The following SPEG variants were observed in gnomAD, a reference collection of about 807,000 sequenced individuals.
The protein encoded by SPEG is striated muscle preferentially expressed protein kinase.
Under a neutral mutation model 300.4 loss-of-function variants are expected in SPEG, and 114 were observed. The observed-to-expected ratio is 0.38, with a 90% confidence interval of 0.33 to 0.44. The LOEUF (loss-of-function observed/expected upper bound fraction) is 0.44, where lower values mean the gene tolerates loss of function less well. SPEG is among the 20% of genes least tolerant of loss of function. The pLI is 1.00. For synonymous variants in SPEG, 1,964 were observed against 2,018.9 expected, an observed-to-expected ratio of 0.97 and a Z score of 0.73; for missense variants, 4,201 against 4,586.2, an observed-to-expected ratio of 0.92 and a Z score of 2.43.
In SPEG at chr2:219,489,492, C is replaced by T. The variant is rs758387319; in HGVS notation, c.8474C>T (p.Pro2825Leu). Reference protein sequence around the residue: ...PSVTVSPSSPPTPPSQALSSL... With the variant: ...PSVTVSPSSPLTPPSQALSSL... ...GTCACTGTCAGCCCCTCATCTCCCC[C>T]CACACCTCCTAGCCAGGCCTTGTCC... Residue 2825 changes from proline (P) to leucine (L), a missense_variant, in exon 36 of 41, where the codon CCC (proline) becomes CTC (leucine). Transcript: ENST00000312358. 3 of 1,612,320 alleles carry T rather than the reference C, an allele frequency of 1.9e-6. No individual in the cohort carries two copies. Among genetic ancestry groups the T allele is most frequent in the Non-Finnish European group, 2.5e-6 (3 of 1,178,982 alleles).
chr2:219,460,454 A>C, intron 6 of SPEG: 1 of 985,454 alleles, frequency 1.0e-6, no homozygotes, highest in Non-Finnish European at 1.2e-6. Flanking sequence ...GTGTCAGAAC[A>C]AATGGGTCAG....
intron 1 of SPEG, chr2:219,442,030 G>T (rs1218127601): frequency 1.9e-6 from 2 of 1,064,652 alleles, no homozygotes; most frequent in East Asian, 4.1e-5. Flanking sequence ...CCCGGCCGCC[G>T]GCCCGGCCCC....
rs758525967 is a variant in SPEG at position 219,482,842 on chromosome 2, G to A, written c.5624G>A (p.Arg1875Gln). The change falls in exon 29 of 41, where the codon CGG becomes CAG. Residue 1875 changes from arginine (R) to glutamine (Q), a missense_variant. By Grantham distance (43) the Arg-to-Gln change is conservative. This residue lies in a region of SPEG where 1,578 missense variants were observed against 1,506.0 expected (regional missense o/e 1.05). Coordinates refer to ENST00000312358, the MANE Select transcript of SPEG (RefSeq NM_005876.5). ...CACCTGAAGCTATTCCTCTCCCGGC[G>A]GAGGTGGCAGGTAAGTGTGGCAGGC... ...TDHLKLFLSR[R>Q]RWQRSQISYK... The A allele has an allele frequency of 2.5e-6, 4 of 1,613,840 alleles. No homozygotes were observed. The highest frequency in any genetic ancestry group is 2.2e-5 in the East Asian group (1 of 44,876).
At chr2:219,460,972 TG>T (rs1690628997) in intron 6 of SPEG, 2 of 977,832 alleles carry the variant, frequency 2.0e-6, no homozygotes, top group South Asian at 9.6e-5. Context: ...AGGCACAGGC[TG>T]GGGTCTGTGT....
chr2:219,435,403 G>C, intron 1 of SPEG, 38 bp downstream of exon 1: 1 of 1,504,986 alleles, frequency 6.6e-7, no homozygotes, highest in South Asian at 1.2e-5. Flanking sequence ...GCAGGGGCGG[G>C]GTGCTCAGAG....
In SPEG at chr2:219,467,155, G is replaced by C; in HGVS notation, c.2882-19G>C. 6.4e-7 allele frequency: 1 copy of C among 1,558,006 alleles called. No homozygotes were observed. The highest frequency in any genetic ancestry group is 1.2e-5 in the South Asian group (1 of 84,104). The stretch of plus-strand genomic sequence containing the variant: ...TGTCTCTGCTCTGTGCGTGGCCCCC[G>C]TGGCTGCTTTCCCCTCAGCACACCC... On this transcript the variant is annotated intron_variant, in intron 9 of 40. Transcript: ENST00000312358.
At chr2:219,436,497 A>T (rs1954723455) in intron 1 of SPEG, among the ~76,000 whole-genome samples, 1 of 152,162 alleles carries the variant, frequency 6.6e-6, no homozygotes, top group Non-Finnish European at 1.5e-5. Flanking sequence ...TAAGAGGGAC[A>T]TGTCACTCCC....
chr2:219,444,581 G>C lies in SPEG; in HGVS notation c.389-72G>C. 2.3e-6 allele frequency: 3 copies of C among 1,306,220 alleles called. No homozygotes were observed. The highest frequency in any genetic ancestry group is 3.3e-6 in the Non-Finnish European group (3 of 907,200). The allele number at this position is 1,306,220 out of a possible 1,614,324, so 80.9% of individuals were successfully genotyped here. Reference sequence around the variant, plus strand: ...GATGGAGCCTGCTGTTGGCAGGGAGGCAGAAGGCAATAGGGAAGAGTTGGA... The same window carrying C: ...GATGGAGCCTGCTGTTGGCAGGGAGCCAGAAGGCAATAGGGAAGAGTTGGA... On this transcript the variant is annotated intron_variant, in intron 1 of 40. Transcript: ENST00000312358. The surrounding 1 kb of genome is among the most constrained non-coding windows in gnomAD (Gnocchi z 7.8).
At position 219,482,841 on chromosome 2, in the gene SPEG, C is replaced by T. The variant is rs765255020; in HGVS notation, c.5623C>T (p.Arg1875Trp). 3.7e-6 allele frequency: 6 copies of T among 1,613,666 alleles called. No individual in the cohort carries two copies. Among genetic ancestry groups the T allele is most frequent in the Non-Finnish European group, 5.1e-6 (6 of 1,179,878 alleles). Reference sequence around the variant, plus strand: ...TCACCTGAAGCTATTCCTCTCCCGGCGGAGGTGGCAGGTAAGTGTGGCAGG... The same window carrying T: ...TCACCTGAAGCTATTCCTCTCCCGGTGGAGGTGGCAGGTAAGTGTGGCAGG... ...TDHLKLFLSRRRWQRSQISYK... is the reference protein window; with the variant it reads ...TDHLKLFLSRWRWQRSQISYK... The change falls in exon 29 of 41, where the codon CGG becomes TGG. Residue 1875 changes from arginine to tryptophan, a missense_variant. Arg to Trp is a moderately radical substitution (Grantham distance 101). This residue lies in a region of SPEG where 1,578 missense variants were observed against 1,506.0 expected (regional missense o/e 1.05). Coordinates refer to ENST00000312358, the MANE Select transcript of SPEG (RefSeq NM_005876.5).
chr2:219,435,069 C>A lies in SPEG; in HGVS notation c.92C>A (p.Ala31Asp). 1.4e-6 allele frequency: 2 copies of A among 1,472,548 alleles called. No homozygotes were observed. Among genetic ancestry groups the A allele is most frequent in the East Asian group, 2.9e-5 (1 of 34,542 alleles). The allele number at this position is 1,472,548 out of a possible 1,614,324, so 91.2% of individuals were successfully genotyped here. A position where few individuals can be genotyped will look rare whatever the true frequency, so the allele number is the denominator to read the frequency against. The stretch of plus-strand genomic sequence containing the variant: ...CCCCCGAAAAGGGCCAAGGTGGGGG[C>A]CGGCGGCGGGGCTCCTGTGGCCGTG... Reference protein sequence around the residue: ...GVPPKRAKVGAGGGAPVAVAG... With the variant: ...GVPPKRAKVGDGGGAPVAVAG... Residue 31 changes from alanine to aspartate, a missense_variant, in exon 1 of 41, where the codon GCC becomes GAC. Ala to Asp is a moderately radical substitution (Grantham distance 126). Transcript: ENST00000312358.
chr2:219,441,315 G>T (rs1311059120), intron 1 of SPEG, among the ~76,000 whole-genome samples: 4 of 152,150 alleles, frequency 2.6e-5, no homozygotes, highest in African/African-American at 9.7e-5. Context: ...GTGAATGTAC[G>T]GGGGTAGGGG....
In SPEG at chr2:219,458,545, A is replaced by C. The variant is rs184029855; in HGVS notation, c.2441-3337A>C. On this transcript the variant is annotated intron_variant, in intron 6 of 40. Coordinates refer to ENST00000312358, the MANE Select transcript of SPEG (RefSeq NM_005876.5). This position sits in a 1 kb window ranked among gnomAD's most constrained non-coding sequence, Gnocchi z 4.2. ...CTCCAGGTGATTCCGATGCACAGAA[A>C]ACCTTGAGAACCACTGCCATAGAGT... Among the ~76,000 whole-genome samples, 1 of 152,290 alleles carries C rather than the reference A, an allele frequency of 6.6e-6. No individual in the cohort carries two copies. The highest frequency in any genetic ancestry group is 1.9e-4 in the East Asian group (1 of 5,172).
Position 219,435,318 on chromosome 2 carries a change from G to A in SPEG, c.341G>A (p.Arg114Gln), listed in dbSNP as rs751671030. The change falls in exon 1 of 41, where the codon CGG becomes CAG. Residue 114 changes from arginine to glutamine, a missense_variant. By Grantham distance (43) the Arg-to-Gln change is conservative. Around this residue, in one of 4 missense-constraint regions of SPEG, gnomAD observed 1,258 missense variants for 1,293.9 expected, o/e 0.97. Coordinates refer to ENST00000312358, the MANE Select transcript of SPEG (RefSeq NM_005876.5). Reference protein sequence around the residue: ...GVYSCMAQNERGRASCEAVLT... With the variant: ...GVYSCMAQNEQGRASCEAVLT... Reference sequence around the variant, plus strand: ...TACAGCTGCATGGCCCAGAACGAGCGGGGCCGGGCCTCCTGCGAGGCGGTG... The same window carrying A: ...TACAGCTGCATGGCCCAGAACGAGCAGGGCCGGGCCTCCTGCGAGGCGGTG... 2.0e-6 allele frequency: 3 copies of A among 1,536,062 alleles called. No individual in the cohort carries two copies. Among genetic ancestry groups the A allele is most frequent in the Non-Finnish European group, 2.6e-6 (3 of 1,148,522 alleles).
At chr2:219,460,768 A>G (rs1575093719) in intron 6 of SPEG, 1 of 984,778 alleles carries the variant, frequency 1.0e-6, no homozygotes, top group Non-Finnish European at 1.2e-6. Context: ...CTGCCATCCA[A>G]CCTCCTCCTT....
chr2:219,437,208 G>C (rs1954742222), intron 1 of SPEG: 1 of 152,324 alleles, frequency 6.6e-6, no homozygotes, highest in Non-Finnish European at 1.5e-5. Context: ...GGAGAGAGAG[G>C]AAAGAGCGAG....
rs1402645077 is a variant in SPEG, at chr2:219,449,986, G to A, written c.2113+715G>A. ...CACATCAACTCGAGGCCCACTCCTG[G>A]AGAGAGGCAGAGGAAGGCGTCCTTG... On this transcript the variant is annotated intron_variant, in intron 4 of 40. Coordinates refer to ENST00000312358, the MANE Select transcript of SPEG (RefSeq NM_005876.5). Among the ~76,000 whole-genome samples the A allele has an allele frequency of 3.9e-5, 6 of 152,144 alleles. No individual in the cohort carries two copies. In the South Asian group the frequency reaches 1.2e-3, roughly 31 times the overall value.
In SPEG at chr2:219,479,270, C is replaced by T; in HGVS notation, c.5085+69C>T. 1 of 1,362,674 alleles carries T rather than the reference C, an allele frequency of 7.3e-7. No homozygotes were observed. Among genetic ancestry groups the T allele is most frequent in the East Asian group, 2.3e-5 (1 of 43,132 alleles). The allele number at this position is 1,362,674 out of a possible 1,614,324, so 84.4% of individuals were successfully genotyped here. ...CACCCACCTGAGCTTTGAGAACCAA[C>T]AAATGGGTCCTGAGTGTGCCATCTG... is the stretch of plus-strand genomic sequence containing the variant. On this transcript the variant is annotated intron_variant, in intron 23 of 40. Transcript: ENST00000312358. This position sits in a 1 kb window ranked among gnomAD's most constrained non-coding sequence, Gnocchi z 5.5.
chr2:219,481,922 C>T lies in SPEG; in HGVS notation c.5565+242C>T, dbSNP rs1369871729. ...TATACATACTGGACTCCAGGGCATACGTCTGGACCTCTCCATCCTGGGCGT... is the reference window on the plus strand; with the variant it reads ...TATACATACTGGACTCCAGGGCATATGTCTGGACCTCTCCATCCTGGGCGT... On this transcript the variant is annotated intron_variant, in intron 28 of 40. Transcript: ENST00000312358. This position sits in a 1 kb window ranked among gnomAD's most constrained non-coding sequence, Gnocchi z 5.4. Among the ~76,000 whole-genome samples the T allele has an allele frequency of 1.3e-5, 2 of 152,208 alleles. No individual in the cohort carries two copies. Among genetic ancestry groups the T allele is most frequent in the African/African-American group, 2.4e-5 (1 of 41,448 alleles).
intron 18 of SPEG, among the ~76,000 whole-genome samples, chr2:219,475,150 A>C (rs1309837393): frequency 6.6e-6 from 1 of 152,034 alleles, no homozygotes; most frequent in Non-Finnish European, 1.5e-5. Context: ...TACCTAATGC[A>C]TTAGGTAGTA....
Sources: gnomAD v4.1 joint callset for allele counts (sites outside exome capture counted in the v4.1 genomes callset) on GRCh38, gnomAD v4.1.1 for gene constraint, gnomAD v4.1.1 regional missense constraint, Gnocchi (gnomAD v3.1) non-coding constraint, MANE v1.5 for transcripts, NCBI Gene and HGNC (gene_info 2026-07-23, HGNC 2026-07-21) for gene names.